Variants in IQSEC3 observed in about 807,000 individuals in gnomAD.
IQSEC3 encodes IQ motif and SEC7 domain-containing protein 3.
Under a neutral mutation model 105.4 loss-of-function variants are expected in IQSEC3, and 50 were observed. The observed-to-expected ratio is 0.47, with a 90% CI of 0.38 to 0.60. IQSEC3 has a LOEUF of 0.60. Among genes scored for constraint, IQSEC3 ranks in the 20% least tolerant of loss-of-function variants. IQSEC3 has a pLI of 0.00. For missense variants in IQSEC3, 1,415 were observed against 1,630.0 expected, an observed-to-expected ratio of 0.87 and a Z score of 2.27; for synonymous variants, 708 against 746.0, an observed-to-expected ratio of 0.95 and a Z score of 0.83.
At chr12:111,488 A>G (rs1027555728) in intron 2 of IQSEC3, 6 of 151,596 alleles carry the variant, frequency 4.0e-5, no homozygotes, top group African/African-American at 1.5e-4. Flanking sequence ...CTTGTTTCCC[A>G]TTTTTGGTTA....
At position 138,329 on chromosome 12, in the gene IQSEC3, C is replaced by A; in HGVS notation, c.966C>A (p.Ile322=). ...HLVSRRAACT[I]QTAFRQYQLS... is the part of the protein sequence containing the mutation. ...TGTCCCGGCGCGCCGCTTGCACCATCCAAACCGCCTTCCGCCAATACCAGC... is the reference window on the plus strand; with the variant it reads ...TGTCCCGGCGCGCCGCTTGCACCATACAAACCGCCTTCCGCCAATACCAGC... Residue 322 remains isoleucine (I), a synonymous_variant, in exon 4 of 14, where the codon ATC becomes ATA. Transcript: ENST00000538872. This position sits in a 1 kb window ranked among gnomAD's most constrained non-coding sequence, Gnocchi z 7.1. The A allele has an allele frequency of 1.9e-6, 3 of 1,613,900 alleles. No individual in the cohort carries two copies. Among genetic ancestry groups the A allele is most frequent in the Non-Finnish European group, 2.5e-6 (3 of 1,180,016 alleles).
intron 2 of IQSEC3, among the ~76,000 whole-genome samples, chr12:106,071 G>T (rs1441020580): frequency 2.0e-5 from 3 of 152,210 alleles, no homozygotes; most frequent in African/African-American, 7.2e-5. Flanking sequence ...GCAAATACTA[G>T]CCACCATGTC....
chr12:155,774 G>A (rs535447164), intron 5 of IQSEC3, among the ~76,000 whole-genome samples: 2 of 152,136 alleles, frequency 1.3e-5, no homozygotes, highest in Non-Finnish European at 1.5e-5. Context: ...CAGGCCAGGG[G>A]ACCATGGGAG....
At chr12:105,224 T>C (rs1373693262) in intron 2 of IQSEC3, among the ~76,000 whole-genome samples, 6 of 152,234 alleles carry the variant, frequency 3.9e-5, no homozygotes, top group African/African-American at 1.4e-4. Flanking sequence ...TTTGTCTCCT[T>C]CATGGTTCAC....
chr12:83,543 G>T (rs1370163129), intron 1 of IQSEC3, among the ~76,000 whole-genome samples: 1 of 151,808 alleles, frequency 6.6e-6, no homozygotes, highest in Non-Finnish European at 1.5e-5. Context: ...CCGTGTAAAG[G>T]CCCTGGGGCT....
chr12:112,556 CAGA>C (rs1326420832), intron 2 of IQSEC3, among the ~76,000 whole-genome samples: 1 of 152,172 alleles, frequency 6.6e-6, no homozygotes, highest in African/African-American at 2.4e-5. Context: ...CCTGGGCTTC[CAGA>C]AGAAGCTGGT....
intron 5 of IQSEC3, among the ~76,000 whole-genome samples, chr12:153,458 C>T (rs1256720936): frequency 3.3e-5 from 5 of 152,202 alleles, no homozygotes; most frequent in Non-Finnish European, 7.3e-5. Context: ...GGTCCAACCC[C>T]CAGCTCTCCA....
At chr12:131,040 C>T (rs566396635) in intron 3 of IQSEC3, among the ~76,000 whole-genome samples, 5 of 46,916 alleles carry the variant, frequency 1.1e-4, no homozygotes, top group Non-Finnish European at 2.3e-4. Flanking sequence ...ACCTGGCCCC[C>T]GCTCCTCAGC....
chr12:109,619 G>GCA (rs1555079047), intron 2 of IQSEC3, among the ~76,000 whole-genome samples: 2 of 145,968 alleles, frequency 1.4e-5, no homozygotes, highest in African/African-American at 2.5e-5. Context: ...CTTCTCACTT[G>GCA]CATCCCCCAG....
intron 1 of IQSEC3, among the ~76,000 whole-genome samples, chr12:78,820 G>A (rs1201800690): frequency 1.3e-5 from 2 of 152,136 alleles, no homozygotes; most frequent in African/African-American, 4.8e-5. Flanking sequence ...CGAGTGCCTG[G>A]CACGCAGTGA....
At chr12:134,240 A>G (rs1865686121) in intron 3 of IQSEC3, among the ~76,000 whole-genome samples, 1 of 152,266 alleles carries the variant, frequency 6.6e-6, no homozygotes, top group African/African-American at 2.4e-5. Flanking sequence ...GCACTGTCCA[A>G]GCATTGGAGG....
intron 6 of IQSEC3, 118 bp downstream of exon 6, chr12:157,265 C>A: frequency 7.3e-7 from 1 of 1,365,314 alleles, no homozygotes; most frequent in Non-Finnish European, 9.7e-7. Context: ...CCAGAAACAC[C>A]CCTTCTGGTG....
chr12:125,714 T>C lies in IQSEC3; in HGVS notation c.705T>C (p.Ser235=). Reference sequence around the variant, plus strand: ...CGGCGGTGGCAGCCGGCAGACCCAGTGCCCATGCCCCGAAGGCTCAAGCCC... The same window carrying C: ...CGGCGGTGGCAGCCGGCAGACCCAGCGCCCATGCCCCGAAGGCTCAAGCCC... The part of the protein sequence containing the change: ...AAAAVAAGRP[S]AHAPKAQAQE... The change falls in exon 3 of 14, where the codon AGT becomes AGC. Residue 235 remains serine (S), a synonymous_variant. Transcript: ENST00000538872. The C allele has an allele frequency of 1.3e-6, 2 of 1,533,696 alleles. No homozygotes were observed. Among genetic ancestry groups the C allele is most frequent in the South Asian group, 1.2e-5 (1 of 80,608 alleles).
chr12:114,297 T>C (rs1864985489), intron 2 of IQSEC3, among the ~76,000 whole-genome samples: 3 of 152,234 alleles, frequency 2.0e-5, no homozygotes, highest in African/African-American at 4.8e-5. Context: ...ATGGCAAGCA[T>C]GTTCTTCAGG....
chr12:89,899 A>G (rs541759492), intron 1 of IQSEC3, among the ~76,000 whole-genome samples: 3 of 152,378 alleles, frequency 2.0e-5, no homozygotes, highest in East Asian at 3.8e-4. Context: ...ATAGTTTCGT[A>G]TCAGTATAAC....
At chr12:167,878 A>G (rs1938755353) in intron 11 of IQSEC3, among the ~76,000 whole-genome samples, 1 of 152,242 alleles carries the variant, frequency 6.6e-6, no homozygotes, top group Non-Finnish European at 1.5e-5. Flanking sequence ...GTTTGCATCC[A>G]ATGGCCCAGG....
At chr12:88,581 C>A (rs532039716) in intron 1 of IQSEC3, among the ~76,000 whole-genome samples, 2 of 152,304 alleles carry the variant, frequency 1.3e-5, no homozygotes, top group South Asian at 4.1e-4. Flanking sequence ...AGGCTTGGGG[C>A]AGAACACTGA....
intron 3 of IQSEC3, among the ~76,000 whole-genome samples, chr12:137,827 T>A (rs1865829982): frequency 6.8e-6 from 1 of 146,922 alleles, no homozygotes; most frequent in Admixed American, 6.8e-5. Flanking sequence ...CCCAGTTAAT[T>A]TTTTTTTTTT....
At chr12:158,704 G>C (rs4980855) in intron 7 of IQSEC3, among the ~76,000 whole-genome samples, 62,089 of 152,056 alleles carry the variant, frequency 0.41, 14,626 homozygotes, top group Admixed American at 0.52. Flanking sequence ...TGTTGCCCAG[G>C]CTGGAGTGCA....
Sources: gnomAD v4.1 joint callset for allele counts (sites outside exome capture counted in the v4.1 genomes callset) on GRCh38, gnomAD v4.1.1 for gene constraint, Gnocchi (gnomAD v3.1) non-coding constraint, MANE v1.5 for transcripts, NCBI Gene and HGNC (gene_info 2026-07-23, HGNC 2026-07-21) for gene names.